The following B4GALNT2 variants were observed in gnomAD, a reference collection of about 807,000 sequenced individuals.
B4GALNT2 encodes the protein beta-1,4-N-acetyl-galactosaminyltransferase 2 (SID blood group).
In B4GALNT2, 42 loss-of-function variants were observed where a neutral mutation model predicts 51.1. The observed-to-expected ratio is 0.82, with a 90% confidence interval of 0.64 to 1.06. The LOEUF (loss-of-function observed/expected upper bound fraction) is 1.06. Ranked by LOEUF, B4GALNT2 falls within the 50% of genes least tolerant of loss-of-function variation. B4GALNT2 has a pLI of 0.00. For missense variants in B4GALNT2, 602 were observed against 633.6 expected (o/e 0.95, Z 0.54); for synonymous variants, 253 against 251.7 (o/e 1.01, Z -0.05).
At position 49,145,061 on chromosome 17, in the gene B4GALNT2, C is replaced by G. The variant is rs1462713953; in HGVS notation, c.353+2889C>G. On this transcript the variant is annotated intron_variant, in intron 3 of 10. Transcript: ENST00000393354. ...CAATTAAGGGTGGGTCTGCCTTCCCCAGCCCACTGACTCAAATATCAGTCT... is the reference window on the plus strand; with the variant it reads ...CAATTAAGGGTGGGTCTGCCTTCCCGAGCCCACTGACTCAAATATCAGTCT... 2.6e-5 allele frequency among the ~76,000 whole-genome samples: 4 copies of G among 152,136 alleles called. No individual in the cohort carries two copies. In the East Asian group the frequency reaches 5.8e-4, roughly 22 times the overall value.
At chr17:49,138,980 CA>C (rs1390203230) in intron 1 of B4GALNT2, among the ~76,000 whole-genome samples, 6 of 152,140 alleles carry the variant, frequency 3.9e-5, no homozygotes, top group Non-Finnish European at 5.9e-5. Context: ...AAGCTCTTGG[CA>C]GGGGGTCTAG....
chr17:49,154,313 T>G (rs2042787447), intron 4 of B4GALNT2, among the ~76,000 whole-genome samples: 1 of 152,090 alleles, frequency 6.6e-6, no homozygotes, highest in Non-Finnish European at 1.5e-5. Context: ...GAGTGCATTG[T>G]GAAAAGAATA....
At chr17:49,130,752 T>A (rs2042533395), upstream of B4GALNT2, among the ~76,000 whole-genome samples, 1 of 152,218 alleles carries the variant, frequency 6.6e-6, no homozygotes, top group Admixed American at 6.5e-5. Flanking sequence ...CCCTATGTAT[T>A]CCTTCTAGGG....
intron 1 of B4GALNT2, chr17:49,133,132 C>A: frequency 6.6e-7 from 1 of 1,525,730 alleles, no homozygotes; most frequent in Non-Finnish European, 8.7e-7. Context: ...CTCGGGAGTG[C>A]GGGCTTCGGG....
In B4GALNT2 at chr17:49,176,641, A is replaced by G. The variant is rs1190166127; in HGVS notation, c.*6913A>G. The G allele has an allele frequency of 6.6e-6, 1 of 152,098 alleles. No individual in the cohort carries two copies. The highest frequency in any genetic ancestry group is 1.5e-5 in the Non-Finnish European group (1 of 68,046). The allele number at this position is 152,098 out of a possible 1,614,324, so 9.4% of individuals were successfully genotyped here. On this transcript the variant is annotated 3_prime_UTR_variant, in exon 11 of 11. Transcript: ENST00000393354. ...ATGAACATGTCACAGTGCTGCAGAG[A>G]TTTTATTTATGGCCAGTTTATGGCC...
chr17:49,129,210 T>G (rs189119378), upstream of B4GALNT2, among the ~76,000 whole-genome samples: 57 of 122,686 alleles, frequency 4.6e-4, no homozygotes, highest in East Asian at 3.0e-3. Context: ...GAGAGAGAGA[T>G]AGAGAGGAGG....
chr17:49,152,066 G>A (rs1192353192), intron 3 of B4GALNT2, among the ~76,000 whole-genome samples: 1 of 151,912 alleles, frequency 6.6e-6, no homozygotes, highest in Non-Finnish European at 1.5e-5. Flanking sequence ...TGCTGGTCAT[G>A]GTTTTTTTTA....
At chr17:49,159,872 C>A (rs1300265426) in intron 6 of B4GALNT2, among the ~76,000 whole-genome samples, 3 of 152,056 alleles carry the variant, frequency 2.0e-5, no homozygotes, top group African/African-American at 7.2e-5. Context: ...GAGGAGGGAG[C>A]CAGCCTGTGC....
At chr17:49,153,924 T>C (rs1300860487) in intron 4 of B4GALNT2, among the ~76,000 whole-genome samples, 1 of 151,668 alleles carries the variant, frequency 6.6e-6, no homozygotes, top group Non-Finnish European at 1.5e-5. Context: ...TCTGTGTGCC[T>C]CAAAGAATCT....
At chr17:49,164,322 G>A (rs995165063) in intron 8 of B4GALNT2, 47 bp downstream of exon 8, 3 of 1,547,836 alleles carry the variant, frequency 1.9e-6, no homozygotes, top group Admixed American at 1.7e-5. Flanking sequence ...AGGACAAGAG[G>A]GCCCCAGGGT....
At position 49,169,757 on chromosome 17, in the gene B4GALNT2, G is replaced by A. The variant is rs1310250901; in HGVS notation, c.*29G>A. 3 of 1,519,900 alleles carry A rather than the reference G, an allele frequency of 2.0e-6. No individual in the cohort carries two copies. The highest frequency in any genetic ancestry group is 1.3e-5 in the South Asian group (1 of 76,488). The allele number at this position is 1,519,900 out of a possible 1,614,324, so 94.2% of individuals were successfully genotyped here. A position where few individuals can be genotyped will look rare whatever the true frequency, so the allele number is the denominator to read the frequency against. ...TGTGAGGGCATAGGAGAAACACTAG[G>A]CTGGCTGGTTATGGTATCTATAGCA... On this transcript the variant is annotated 3_prime_UTR_variant, in exon 11 of 11. Coordinates refer to ENST00000393354, the MANE Select transcript of B4GALNT2 (RefSeq NM_001159387.2).
chr17:49,148,892 T>C lies in B4GALNT2; in HGVS notation c.354-3908T>C, dbSNP rs780811105. 70 of 187,542 alleles carry C rather than the reference T, an allele frequency of 3.7e-4. 1 individual carries two copies. The highest frequency in any genetic ancestry group is 3.0e-4 in the Non-Finnish European group (27 of 91,160). The allele number at this position is 187,542 out of a possible 1,614,324, so 11.6% of individuals were successfully genotyped here. A position where few individuals can be genotyped will look rare whatever the true frequency, so the allele number is the denominator to read the frequency against. ...CCAACATGGAGAAACCCCGTCTCTA[T>C]TAAAAATACAAAAATTAGCTGGGCG... On this transcript the variant is annotated intron_variant, in intron 3 of 10. Coordinates refer to ENST00000393354, the MANE Select transcript of B4GALNT2 (RefSeq NM_001159387.2).
intron 8 of B4GALNT2, among the ~76,000 whole-genome samples, chr17:49,165,163 C>T (rs1398893221): frequency 6.6e-6 from 1 of 151,930 alleles, no homozygotes; most frequent in Non-Finnish European, 1.5e-5. Context: ...TCCTTATAAG[C>T]GACTTGAGGT....
At chr17:49,132,379 G>T (rs986861780), upstream of B4GALNT2, 55 of 196,450 alleles carry the variant, frequency 2.8e-4, no homozygotes, top group African/African-American at 1.2e-3. Flanking sequence ...GACAGTAGGT[G>T]TGGAGTGCGT....
At chr17:49,156,524 C>G in intron 4 of B4GALNT2, 42 bp from the exon 5 acceptor site, 2 of 1,610,508 alleles carry the variant, frequency 1.2e-6, no homozygotes, top group African/African-American at 2.7e-5. Flanking sequence ...GCTGCGATGT[C>G]TTTCATGAGC....
intron 5 of B4GALNT2, among the ~76,000 whole-genome samples, chr17:49,158,159 T>C (rs1055361019): frequency 1.3e-5 from 2 of 152,234 alleles, no homozygotes; most frequent in Non-Finnish European, 2.9e-5. Flanking sequence ...CTGGAACAAC[T>C]GAGTGGATGG....
the B4GALNT2 span, among the ~76,000 whole-genome samples, chr17:49,122,908 G>A: frequency 5.3e-5 from 8 of 152,302 alleles, no homozygotes; most frequent in East Asian, 3.9e-4. Context: ...TGGCATAGTC[G>A]AAAATTTCCA....
chr17:49,126,127 G>A, the B4GALNT2 span, among the ~76,000 whole-genome samples: 1 of 152,084 alleles, frequency 6.6e-6, no homozygotes, highest in East Asian at 1.9e-4. Flanking sequence ...AAGTAGACAT[G>A]GGAAACTTTT....
At chr17:49,159,280 CAA>C (rs1261139300) in intron 6 of B4GALNT2, 63 bp downstream of exon 6, 1 of 1,498,224 alleles carries the variant, frequency 6.7e-7, no homozygotes, top group Non-Finnish European at 9.2e-7. Flanking sequence ...TGGGCCCTTT[CAA>C]AGTCTTCCTC....
Sources: allele counts gnomAD v4.1 joint callset (sites outside exome capture counted in the v4.1 genomes callset), GRCh38; gene constraint gnomAD v4.1.1; transcripts MANE v1.5; gene names NCBI Gene and HGNC (gene_info 2026-07-23, HGNC 2026-07-21).